Variants in ST7 observed in about 807,000 individuals in gnomAD.
ST7 encodes the protein suppressor of tumorigenicity 7 protein.
In ST7, 28 loss-of-function variants were observed where a neutral mutation model predicts 78.7. The ratio of observed to expected loss-of-function variants is 0.36; its 90% CI spans 0.26 to 0.49. The LOEUF (loss-of-function observed/expected upper bound fraction) is 0.49, where lower values mean the gene tolerates loss of function less well. Ranked by LOEUF, ST7 falls within the 20% of genes least tolerant of loss-of-function variation. The pLI, the probability that ST7 is intolerant of heterozygous loss-of-function variation, is 0.99. For synonymous variants in ST7, 247 were observed against 249.6 expected (o/e 0.99, Z 0.10); for missense variants, 418 against 696.0 (o/e 0.60, Z 4.49).
At chr7:117,053,152 CCAGA>C (rs974953319) in intron 1 of ST7, among the ~76,000 whole-genome samples, 2 of 152,112 alleles carry the variant, frequency 1.3e-5, no homozygotes, top group Non-Finnish European at 2.9e-5. Flanking sequence ...GGAAAAAAAG[CCAGA>C]CAGTTTTTTA....
At chr7:117,147,431 C>G (rs1805886770) in intron 9 of ST7, among the ~76,000 whole-genome samples, 1 of 152,064 alleles carries the variant, frequency 6.6e-6, no homozygotes, top group Non-Finnish European at 1.5e-5. Context: ...GCCCATGTAT[C>G]TCAGTACTAG....
chr7:117,206,669 G>T (rs1237817493), intron 12 of ST7, among the ~76,000 whole-genome samples: 1 of 152,118 alleles, frequency 6.6e-6, no homozygotes, highest in Non-Finnish European at 1.5e-5. Context: ...ATGCTCTGGT[G>T]GCCAACAATG....
In ST7 at chr7:117,119,542, G is replaced by A; in HGVS notation, c.235-19G>A. 1 of 1,602,860 alleles carries A rather than the reference G, an allele frequency of 6.2e-7. No individual in the cohort carries two copies. On this transcript the variant is annotated intron_variant, in intron 2 of 15. Coordinates refer to ENST00000323984, the MANE Select transcript of ST7 (RefSeq NM_001369598.1). ...AAATGATAACAGTGACCATAAACAC[G>A]CTTATTTTTCTGTTCTAGATATTTG...
intron 1 of ST7, among the ~76,000 whole-genome samples, chr7:117,021,096 A>G (rs917464328): frequency 6.6e-6 from 1 of 152,250 alleles, no homozygotes; most frequent in African/African-American, 2.4e-5. Flanking sequence ...CATTATAGGT[A>G]GATTCAGAAT....
chr7:117,128,297 C>T (rs766752217), intron 3 of ST7: 3 of 151,760 alleles, frequency 2.0e-5, no homozygotes, highest in Non-Finnish European at 4.4e-5. Flanking sequence ...TTGAGCTCAC[C>T]AGTGTGTTTC....
rs1193368440 is a variant in ST7 at position 117,219,179 on chromosome 7, A to G, written c.1498+3A>G. On this transcript the variant is annotated splice_donor_region_variant and intron_variant, in intron 14 of 15. Transcript: ENST00000323984. This position sits in a 1 kb window ranked among gnomAD's most constrained non-coding sequence, Gnocchi z 5.1. ...AGCAGACCGAGAGCTGCTTCCATGTAAGTCTCACCTCTCTTCAGCCAGTGA... is the reference window on the plus strand; with the variant it reads ...AGCAGACCGAGAGCTGCTTCCATGTGAGTCTCACCTCTCTTCAGCCAGTGA... 1 of 1,611,498 alleles carries G rather than the reference A, an allele frequency of 6.2e-7. No homozygotes were observed. Among genetic ancestry groups the G allele is most frequent in the South Asian group, 1.1e-5 (1 of 90,484 alleles).
chr7:117,080,601 T>G (rs1371242206), intron 1 of ST7, among the ~76,000 whole-genome samples: 1 of 152,214 alleles, frequency 6.6e-6, no homozygotes, highest in Admixed American at 6.5e-5. Flanking sequence ...ACGTGTGTAG[T>G]GATTTTTAAA....
chr7:117,202,678 C>T (rs1176223510), intron 12 of ST7, among the ~76,000 whole-genome samples: 1 of 152,144 alleles, frequency 6.6e-6, no homozygotes, highest in African/African-American at 2.4e-5. Context: ...GTCTGTTGAT[C>T]CTACACATGA....
intron 1 of ST7, among the ~76,000 whole-genome samples, chr7:116,990,077 AC>A (rs1039043321): frequency 1.3e-5 from 2 of 151,994 alleles, no homozygotes; most frequent in African/African-American, 4.8e-5. Context: ...AGTAGCTGGG[AC>A]TACACATGCC....
intron 2 of ST7, among the ~76,000 whole-genome samples, chr7:117,101,768 A>C (rs1347826085): frequency 6.6e-6 from 1 of 152,156 alleles, no homozygotes; most frequent in East Asian, 1.9e-4. Context: ...AAACCCCAAA[A>C]CCAACTAAAG....
intron 1 of ST7, among the ~76,000 whole-genome samples, chr7:116,996,464 T>TA (rs746889703): frequency 1.6e-4 from 25 of 152,348 alleles, no homozygotes; most frequent in East Asian, 1.2e-3. Flanking sequence ...ATTGAGCTAA[T>TA]ACCTCTGCCA....
chr7:117,073,061 C>G (rs1475494688), intron 1 of ST7: 1 of 152,148 alleles, frequency 6.6e-6, no homozygotes, highest in Non-Finnish European at 1.5e-5. Flanking sequence ...GGAAACATTG[C>G]GGCTGCGCTT....
chr7:116,968,988 A>G (rs917968434), intron 1 of ST7, among the ~76,000 whole-genome samples: 5 of 152,248 alleles, frequency 3.3e-5, no homozygotes, highest in Non-Finnish European at 7.3e-5. Context: ...ATAGAAAGGG[A>G]CAGGAAATAA....
At chr7:117,035,000 T>C (rs755693012) in intron 1 of ST7, among the ~76,000 whole-genome samples, 3 of 152,202 alleles carry the variant, frequency 2.0e-5, no homozygotes, top group Non-Finnish European at 4.4e-5. Flanking sequence ...CCAAGACTTA[T>C]GCTTAGAATG....
intron 9 of ST7, among the ~76,000 whole-genome samples, chr7:117,160,711 C>CAGATTGTTTT (rs1807076378): frequency 6.6e-6 from 1 of 150,848 alleles, no homozygotes; most frequent in Non-Finnish European, 1.5e-5. Flanking sequence ...AACAATGTGC[C>CAGATTGTTTT]AGAGAGTCAT....
chr7:117,099,910 C>T (rs780249073), intron 2 of ST7, 66 bp downstream of exon 2: 35 of 1,281,088 alleles, frequency 2.7e-5, no homozygotes, highest in Non-Finnish European at 3.6e-5. Flanking sequence ...AGTGTATGTA[C>T]AGTAAAAAAC....
At chr7:116,998,264 G>A (rs1307959960) in intron 1 of ST7, among the ~76,000 whole-genome samples, 2 of 152,324 alleles carry the variant, frequency 1.3e-5, no homozygotes, top group African/African-American at 4.8e-5. Flanking sequence ...ACTGCCCTGG[G>A]CCGGCAGCGC....
chr7:117,220,865 T>C (rs548309558), intron 14 of ST7, among the ~76,000 whole-genome samples: 22 of 152,320 alleles, frequency 1.4e-4, no homozygotes, highest in African/African-American at 5.3e-4. Flanking sequence ...GAGTTCCTCC[T>C]GGATTCCCTC....
chr7:117,222,832 T>C lies in ST7; in HGVS notation c.1638+770T>C, dbSNP rs62469379. ...GCAATCAGAAAGGATGATTTCTAAC[T>C]TGGCTGGGTTGATTTAATCCCTTTC... On this transcript the variant is annotated intron_variant, in intron 15 of 15. Coordinates refer to ENST00000323984, the MANE Select transcript of ST7 (RefSeq NM_001369598.1). 1.9e-6 allele frequency: 3 copies of C among 1,558,602 alleles called. No individual in the cohort carries two copies. The South Asian group carries it at 3.3e-5, about 17-fold the overall frequency.
Sources: allele counts gnomAD v4.1 joint callset (sites outside exome capture counted in the v4.1 genomes callset), GRCh38; gene constraint gnomAD v4.1.1; non-coding constraint Gnocchi (gnomAD v3.1); transcripts MANE v1.5; gene names NCBI Gene and HGNC (gene_info 2026-07-23, HGNC 2026-07-21).